CSMD1: variants seen among roughly 807,000 people sequenced by gnomAD.
The protein encoded by CSMD1 is CUB and sushi domain-containing protein 1.
In CSMD1, 213 loss-of-function variants were observed where a neutral mutation model predicts 417.5. That is an observed-to-expected ratio of 0.51 (90% CI 0.46 to 0.57). The LOEUF is 0.57. CSMD1 is among the 20% of genes least tolerant of loss of function. CSMD1 has a pLI of 0.00. For synonymous variants in CSMD1, 2,862 were observed against 1,736.8 expected (o/e 1.65, Z -16.11); for missense variants, 6,923 against 4,529.7 (o/e 1.53, Z -15.17).
intron 26 of CSMD1, among the ~76,000 whole-genome samples, chr8:3,274,447 C>T (rs1001001892): frequency 6.6e-6 from 1 of 152,066 alleles, no homozygotes; most frequent in Non-Finnish European, 1.5e-5. Flanking sequence ...ATTAGGTCCG[C>T]TTGGTGCAGA....
At chr8:4,136,381 G>A (rs186728292) in intron 3 of CSMD1, among the ~76,000 whole-genome samples, 41 of 152,256 alleles carry the variant, frequency 2.7e-4, no homozygotes, top group African/African-American at 9.9e-4. Flanking sequence ...CTGCCTGCCT[G>A]CAACTTGACT....
At chr8:3,676,673 G>A (rs899149763) in intron 7 of CSMD1, among the ~76,000 whole-genome samples, 35 of 152,264 alleles carry the variant, frequency 2.3e-4, no homozygotes, top group African/African-American at 7.9e-4. Flanking sequence ...TATGAATCAA[G>A]TTCCATATCT....
chr8:3,777,196 T>C (rs1798941074), intron 5 of CSMD1, among the ~76,000 whole-genome samples: 1 of 151,896 alleles, frequency 6.6e-6, no homozygotes, highest in African/African-American at 2.4e-5. Flanking sequence ...TTACTTGTTA[T>C]ATTATGTTTA....
intron 3 of CSMD1, among the ~76,000 whole-genome samples, chr8:4,252,559 G>C (rs17406590): frequency 0.049 from 7,482 of 152,236 alleles, 241 homozygotes; most frequent in Non-Finnish European, 0.071. Flanking sequence ...CCCTATGACA[G>C]AAACTGCTAC....
At chr8:3,399,919 T>C (rs1378322178) in intron 15 of CSMD1, among the ~76,000 whole-genome samples, 2 of 152,228 alleles carry the variant, frequency 1.3e-5, no homozygotes, top group East Asian at 1.9e-4. Flanking sequence ...CATCTCAAGA[T>C]GGATACATAT....
At chr8:4,877,642 G>A (rs1416595699) in intron 1 of CSMD1, among the ~76,000 whole-genome samples, 3 of 151,872 alleles carry the variant, frequency 2.0e-5, no homozygotes, top group African/African-American at 2.4e-5. Context: ...TCCAAGTCCT[G>A]CCAAATATAG....
chr8:4,033,019 G>A (rs1005332098), intron 3 of CSMD1, among the ~76,000 whole-genome samples: 1 of 149,022 alleles, frequency 6.7e-6, no homozygotes, highest in Non-Finnish European at 1.5e-5. Context: ...GGCTTTGTAT[G>A]CATGATAAAA....
intron 6 of CSMD1, among the ~76,000 whole-genome samples, chr8:3,737,528 T>G (rs1039907805): frequency 2.0e-5 from 3 of 152,238 alleles, no homozygotes; most frequent in African/African-American, 7.2e-5. Context: ...ACACTGTTAC[T>G]GGTTTCTTTT....
intron 6 of CSMD1, among the ~76,000 whole-genome samples, chr8:3,744,820 A>G (rs1044590900): frequency 3.9e-5 from 6 of 152,188 alleles, no homozygotes; most frequent in African/African-American, 7.2e-5. Context: ...TTTGTTTCAT[A>G]TATCTATGGA....
intron 1 of CSMD1, among the ~76,000 whole-genome samples, chr8:4,956,850 G>T (rs1413159525): frequency 1.3e-5 from 2 of 152,168 alleles, no homozygotes; most frequent in Non-Finnish European, 2.9e-5. Flanking sequence ...GCAGAAGTCA[G>T]TGTGAACTCA....
At chr8:3,949,934 A>G (rs1214182606) in intron 5 of CSMD1, 1 of 455,904 alleles carries the variant, frequency 2.2e-6, no homozygotes, top group Non-Finnish European at 4.4e-6. Context: ...GGACGTGAAA[A>G]CACACATGGA....
chr8:4,291,723 C>A (rs913927342), intron 3 of CSMD1, among the ~76,000 whole-genome samples: 1 of 152,138 alleles, frequency 6.6e-6, no homozygotes, highest in Non-Finnish European at 1.5e-5. Flanking sequence ...CCAGTCTAAT[C>A]AGTTATATGC....
rs527549023 is a variant in CSMD1 at position 4,504,131 on chromosome 8, T to A, written c.303-84066A>T. ...GAAAATGTGGTGTATATATAGCCCATGGAGGATTACTCTTCACTCTTCAAA... is the reference window on the plus strand; with the variant it reads ...GAAAATGTGGTGTATATATAGCCCAAGGAGGATTACTCTTCACTCTTCAAA... On this transcript the variant is annotated intron_variant, in intron 2 of 69. Coordinates refer to ENST00000635120, the MANE Select transcript of CSMD1 (RefSeq NM_033225.6). 5.9e-5 allele frequency among the ~76,000 whole-genome samples: 9 copies of A among 152,238 alleles called. No individual in the cohort carries two copies. The South Asian group carries it at 1.9e-3, about 32-fold the overall frequency.
At chr8:3,139,715 G>C (rs1472997489) in intron 41 of CSMD1, among the ~76,000 whole-genome samples, 1 of 152,150 alleles carries the variant, frequency 6.6e-6, no homozygotes, top group Non-Finnish European at 1.5e-5. Flanking sequence ...GTATGTGTGT[G>C]TGTCGATGTG....
At chr8:3,848,440 A>C (rs1803661312) in intron 5 of CSMD1, among the ~76,000 whole-genome samples, 1 of 152,210 alleles carries the variant, frequency 6.6e-6, no homozygotes, top group South Asian at 2.1e-4. Flanking sequence ...TATTTCAACT[A>C]ATAGTTACTT....
At chr8:3,894,027 G>A (rs1441054669) in intron 5 of CSMD1, among the ~76,000 whole-genome samples, 2 of 151,878 alleles carry the variant, frequency 1.3e-5, no homozygotes, top group Non-Finnish European at 2.9e-5. Flanking sequence ...CCCATAAAGG[G>A]AGTCTCCATA....
intron 25 of CSMD1, among the ~76,000 whole-genome samples, chr8:3,285,032 G>T (rs1803042698): frequency 6.6e-6 from 1 of 152,106 alleles, no homozygotes. Flanking sequence ...GAGGCAGCAG[G>T]ATCTATGTAG....
At chr8:3,542,585 C>A (rs1277283333) in intron 10 of CSMD1, among the ~76,000 whole-genome samples, 1 of 152,140 alleles carries the variant, frequency 6.6e-6, no homozygotes, top group Non-Finnish European at 1.5e-5. Flanking sequence ...AGCGTACGTG[C>A]TGTGAGCAGG....
At chr8:4,042,202 G>T (rs910285440) in intron 3 of CSMD1, among the ~76,000 whole-genome samples, 1 of 152,124 alleles carries the variant, frequency 6.6e-6, no homozygotes, top group Non-Finnish European at 1.5e-5. Context: ...AAAATGCAAA[G>T]AACATGAAGA....
Sources: allele counts gnomAD v4.1 joint callset (sites outside exome capture counted in the v4.1 genomes callset), GRCh38; gene constraint gnomAD v4.1.1; transcripts MANE v1.5; gene names NCBI Gene and HGNC (gene_info 2026-07-23, HGNC 2026-07-21).